Variants in GBF1 observed in about 807,000 individuals in gnomAD.
GBF1 encodes Golgi-specific brefeldin A-resistance guanine nucleotide exchange factor 1.
GBF1 carries 114 observed loss-of-function variants against 210.5 expected under a neutral mutation model. That is an observed-to-expected ratio of 0.54 (90% confidence interval 0.47 to 0.63). The LOEUF is 0.63. Ranked by LOEUF, GBF1 falls within the 30% of genes least tolerant of loss-of-function variation. The probability of loss-of-function intolerance (pLI) is 0.00; values close to 1 mark genes in which losing one functional copy is unlikely to be tolerated. For missense variants in GBF1, 1,851 were observed against 2,357.7 expected (o/e 0.79, Z 4.45); for synonymous variants, 850 against 889.2 (o/e 0.96, Z 0.78).
At position 102,352,529 on chromosome 10, in the gene GBF1, T is replaced by A; in HGVS notation, c.584+11T>A. The A allele has an allele frequency of 6.3e-7, 1 of 1,596,958 alleles. No individual in the cohort carries two copies. The highest frequency in any genetic ancestry group is 8.6e-7 in the Non-Finnish European group (1 of 1,164,596). ...GCTGCTCTTCACAAGGTAAACCTGCTGCTGTTTGCTTCAGCCCGGCTGCCC... is the reference window on the plus strand; with the variant it reads ...GCTGCTCTTCACAAGGTAAACCTGCAGCTGTTTGCTTCAGCCCGGCTGCCC... On this transcript the variant is annotated intron_variant, in intron 7 of 39. Coordinates refer to ENST00000369983, the MANE Select transcript of GBF1 (RefSeq NM_001377137.1).
chr10:102,272,408 A>G (rs2074533749), intron 3 of GBF1, among the ~76,000 whole-genome samples: 1 of 152,178 alleles, frequency 6.6e-6, no homozygotes, highest in African/African-American at 2.4e-5. Flanking sequence ...CCCGGCCGCA[A>G]TTGTTGATTT....
intron 4 of GBF1, among the ~76,000 whole-genome samples, chr10:102,346,139 C>T (rs775354692): frequency 1.3e-5 from 2 of 151,928 alleles, no homozygotes; most frequent in African/African-American, 2.4e-5. Context: ...TGTGCCACCA[C>T]GCCCGGCTAA....
At chr10:102,306,551 G>A (rs1170035022) in intron 3 of GBF1, among the ~76,000 whole-genome samples, 1 of 152,184 alleles carries the variant, frequency 6.6e-6, no homozygotes, top group African/African-American at 2.4e-5. Flanking sequence ...AGCCTCCCGA[G>A]TAGCTGGGAT....
chr10:102,284,262 A>G (rs969571993), intron 3 of GBF1, among the ~76,000 whole-genome samples: 21 of 152,230 alleles, frequency 1.4e-4, no homozygotes, highest in African/African-American at 5.1e-4. Context: ...AGCTTTTTTA[A>G]AAAACTGAAG....
chr10:102,328,038 C>T (rs1330128182), intron 3 of GBF1, among the ~76,000 whole-genome samples: 2 of 152,208 alleles, frequency 1.3e-5, no homozygotes, highest in African/African-American at 4.8e-5. Flanking sequence ...CTGTCCAGCT[C>T]ACAGACATGT....
At chr10:102,239,043 G>T in the GBF1 span, among the ~76,000 whole-genome samples, 41 of 152,198 alleles carry the variant, frequency 2.7e-4, no homozygotes, top group Non-Finnish European at 5.1e-4. Flanking sequence ...GATTTGGGGA[G>T]CAAGCAATTC....
At position 102,367,263 on chromosome 10, in the gene GBF1, A is replaced by G. The variant is rs1482995280; in HGVS notation, c.2559+53A>G. On this transcript the variant is annotated intron_variant, in intron 20 of 39. Coordinates refer to ENST00000369983, the MANE Select transcript of GBF1 (RefSeq NM_001377137.1). ...GAAGACCCAGCACAGCTTGGGAGGT[A>G]GCAGGAAGGACATAGGATTTCCAGT... 4 of 1,584,724 alleles carry G rather than the reference A, an allele frequency of 2.5e-6. No homozygotes were observed. In the East Asian group the frequency reaches 9.0e-5, roughly 35 times the overall value.
chr10:102,344,134 G>A lies in GBF1; in HGVS notation c.247G>A (p.Gly83Arg). 1 of 1,613,254 alleles carries A rather than the reference G, an allele frequency of 6.2e-7. No individual in the cohort carries two copies. Among genetic ancestry groups the A allele is most frequent in the Non-Finnish European group, 8.5e-7 (1 of 1,179,218 alleles). ...RSEDTTGPIT[G>R]LALTSVNKFL... ...TGAAGATACCACTGGCCCTATCACT[G>A]GACTGGCACTCACCTCTGTCAACAA... is the stretch of plus-strand genomic sequence containing the variant. The change falls in exon 4 of 40, where the codon GGA becomes AGA. Residue 83 changes from glycine to arginine, a missense_variant. Gly to Arg is a moderately radical substitution (Grantham distance 125). This residue lies in a region of GBF1 where 804 missense variants were observed against 958.6 expected (regional missense o/e 0.84). Transcript: ENST00000369983.
intron 3 of GBF1, among the ~76,000 whole-genome samples, chr10:102,287,329 C>CTTTTA (rs1460749329): frequency 1.8e-4 from 18 of 98,372 alleles, no homozygotes; most frequent in Admixed American, 3.1e-4. Flanking sequence ...CACACAGTTT[C>CTTTTA]TTTTATTTTA....
At chr10:102,292,801 T>C (rs2076555256) in intron 3 of GBF1, among the ~76,000 whole-genome samples, 1 of 152,210 alleles carries the variant, frequency 6.6e-6, no homozygotes, top group African/African-American at 2.4e-5. Context: ...AATTTTGATG[T>C]AGCAATATTG....
chr10:102,280,583 C>T (rs1205395171), intron 3 of GBF1, among the ~76,000 whole-genome samples: 1 of 152,194 alleles, frequency 6.6e-6, no homozygotes, highest in East Asian at 1.9e-4. Flanking sequence ...TGCTGGCTAC[C>T]ATGAGAGCAG....
intron 3 of GBF1, among the ~76,000 whole-genome samples, chr10:102,290,990 C>T (rs971096951): frequency 3.9e-5 from 6 of 152,050 alleles, no homozygotes; most frequent in African/African-American, 1.4e-4. Context: ...AAGTGTTTTA[C>T]TGTTTGGGGT....
At chr10:102,253,644 G>A (rs2071917867) in intron 1 of GBF1, among the ~76,000 whole-genome samples, 1 of 152,056 alleles carries the variant, frequency 6.6e-6, no homozygotes, top group African/African-American at 2.4e-5. Flanking sequence ...CTCTCAAGTA[G>A]CTGGGACTAC....
chr10:102,352,990 C>G (rs1361064951), intron 7 of GBF1, among the ~76,000 whole-genome samples: 2 of 152,150 alleles, frequency 1.3e-5, no homozygotes, highest in Non-Finnish European at 2.9e-5. Flanking sequence ...TGGTAAGGCC[C>G]TTAGCCTAGG....
At chr10:102,239,824 G>A in the GBF1 span, among the ~76,000 whole-genome samples, 1 of 152,212 alleles carries the variant, frequency 6.6e-6, no homozygotes, top group African/African-American at 2.4e-5. Context: ...GATGGTCACT[G>A]TATGGGCCCA....
Position 102,260,047 on chromosome 10 carries a change from C to T in GBF1, c.97-3C>T. 6.4e-7 allele frequency: 1 copy of T among 1,563,424 alleles called. No individual in the cohort carries two copies. The highest frequency in any genetic ancestry group is 1.7e-4 in the Middle Eastern group (1 of 5,944). ...GACTTACTTTAATCTATGTGTTCTA[C>T]AGGATGAAGAACGGGATCCTCTGCT... On this transcript the variant is annotated splice_region_variant and splice_polypyrimidine_tract_variant and intron_variant, in intron 2 of 39. Transcript: ENST00000369983.
chr10:102,282,006 A>C (rs2075539278), intron 3 of GBF1, among the ~76,000 whole-genome samples: 1 of 149,052 alleles, frequency 6.7e-6, no homozygotes, highest in Non-Finnish European at 1.5e-5. Flanking sequence ...GGCTCACTGC[A>C]AGCTCCGCCT....
chr10:102,275,152 G>T (rs995459749), intron 3 of GBF1, among the ~76,000 whole-genome samples: 1 of 151,972 alleles, frequency 6.6e-6, no homozygotes, highest in African/African-American at 2.4e-5. Context: ...ACTGCGCCCA[G>T]CCAAAAACAG....
intron 3 of GBF1, among the ~76,000 whole-genome samples, chr10:102,314,393 C>T (rs149272014): frequency 6.6e-5 from 10 of 152,154 alleles, no homozygotes; most frequent in African/African-American, 1.4e-4. Context: ...GCAGTCCTCC[C>T]GCCTAGGCCT....
Sources: allele counts gnomAD v4.1 joint callset (sites outside exome capture counted in the v4.1 genomes callset), GRCh38; gene constraint gnomAD v4.1.1; regional missense constraint gnomAD v4.1.1; transcripts MANE v1.5; gene names NCBI Gene and HGNC (gene_info 2026-07-23, HGNC 2026-07-21).